CTNNA3: variants seen among roughly 807,000 people sequenced by gnomAD.
The protein encoded by CTNNA3 is catenin alpha-3.
CTNNA3 carries 76 observed loss-of-function variants against 95.7 expected under a neutral mutation model. The observed-to-expected ratio is 0.79, with a 90% CI of 0.66 to 0.96. The LOEUF is 0.96. Ranked by LOEUF, CTNNA3 falls within the 40% of genes least tolerant of loss-of-function variation. The pLI, the probability that CTNNA3 is intolerant of heterozygous loss-of-function variation, is 0.00. For missense variants in CTNNA3, 1,191 were observed against 1,089.8 expected (o/e 1.09, Z -1.31); for synonymous variants, 431 against 374.4 (o/e 1.15, Z -1.74).
chr10:67,317,156 GT>G (rs1470959748), intron 5 of CTNNA3, among the ~76,000 whole-genome samples: 1 of 67,018 alleles, frequency 1.5e-5, no homozygotes, highest in African/African-American at 2.8e-5. Context: ...ATATCATCGG[GT>G]TTTGTTTTGT....
intron 13 of CTNNA3, among the ~76,000 whole-genome samples, chr10:66,181,883 C>G (rs570928060): frequency 6.6e-6 from 1 of 152,306 alleles, no homozygotes; most frequent in African/African-American, 2.4e-5. Flanking sequence ...AACCATTAGG[C>G]ATGTTTTCAT....
chr10:67,228,176 T>A (rs1339184817), intron 5 of CTNNA3, among the ~76,000 whole-genome samples: 1 of 151,598 alleles, frequency 6.6e-6, no homozygotes, highest in East Asian at 1.9e-4. Flanking sequence ...ATAACCAAGA[T>A]CAGAGCAGAA....
chr10:67,367,506 G>A (rs1286966802), intron 5 of CTNNA3, among the ~76,000 whole-genome samples: 1 of 152,142 alleles, frequency 6.6e-6, no homozygotes, highest in Non-Finnish European at 1.5e-5. Context: ...AACACAGTTT[G>A]GAGATTTATC....
At chr10:67,296,683 CA>C (rs1231168387) in intron 5 of CTNNA3, among the ~76,000 whole-genome samples, 1 of 151,880 alleles carries the variant, frequency 6.6e-6, no homozygotes, top group East Asian at 1.9e-4. Flanking sequence ...CCTGTAATCC[CA>C]GCACTTTGGG....
At chr10:66,488,805 T>G (rs2131927397) in intron 11 of CTNNA3, among the ~76,000 whole-genome samples, 1 of 151,810 alleles carries the variant, frequency 6.6e-6, no homozygotes, top group East Asian at 1.9e-4. Context: ...ATCATGCCTC[T>G]CCAAAAAAGC....
chr10:66,766,528 C>A, intron 8 of CTNNA3, 112 bp from the exon 9 acceptor site: 1 of 896,662 alleles, frequency 1.1e-6, no homozygotes, highest in Non-Finnish European at 1.6e-6. Context: ...TTGCACAATT[C>A]CTAAAATCAC....
intron 11 of CTNNA3, among the ~76,000 whole-genome samples, chr10:66,439,005 A>G (rs4393215): frequency 0.38 from 58,022 of 151,694 alleles, 11,643 homozygotes; most frequent in African/African-American, 0.5. Flanking sequence ...GCTTCGGGTC[A>G]CCCTCCATGG....
chr10:66,618,554 T>G (rs1369608264), intron 10 of CTNNA3, among the ~76,000 whole-genome samples: 2 of 152,060 alleles, frequency 1.3e-5, no homozygotes, highest in Non-Finnish European at 2.9e-5. Context: ...TCTACAAAAA[T>G]TAATTCAAGA....
At chr10:66,443,874 C>G (rs2093395866) in intron 11 of CTNNA3, among the ~76,000 whole-genome samples, 1 of 152,106 alleles carries the variant, frequency 6.6e-6, no homozygotes, top group South Asian at 2.1e-4. Context: ...TCAAACTACT[C>G]CGAGCTACAG....
At chr10:66,739,724 A>G (rs1034866550) in intron 9 of CTNNA3, among the ~76,000 whole-genome samples, 1 of 152,214 alleles carries the variant, frequency 6.6e-6, no homozygotes, top group Admixed American at 6.5e-5. Flanking sequence ...TATCTGGAAT[A>G]AACTTGTTTT....
chr10:67,589,476 C>A (rs1289511838), intron 3 of CTNNA3, among the ~76,000 whole-genome samples: 2 of 152,046 alleles, frequency 1.3e-5, no homozygotes, highest in Non-Finnish European at 2.9e-5. Flanking sequence ...TAAATAGTTT[C>A]TTTTGTGATC....
rs12265940 is a variant in CTNNA3, at chr10:66,965,228, T to G, written c.1048-189704A>C. Among the ~76,000 whole-genome samples the G allele has an allele frequency of 7.9e-3, 1,203 of 151,360 alleles. 12 individuals are homozygous for G. Among genetic ancestry groups the G allele is most frequent in the African/African-American group, 0.026 (1,081 of 41,170 alleles). On this transcript the variant is annotated intron_variant, in intron 7 of 17. Coordinates refer to ENST00000433211, the MANE Select transcript of CTNNA3 (RefSeq NM_013266.4). ...TTGTGTTTAAAAAGCTGGGTTTTTTTGGGGTTTTTTTGTTTGTTTGTTTTT... is the reference window on the plus strand; with the variant it reads ...TTGTGTTTAAAAAGCTGGGTTTTTTGGGGGTTTTTTTGTTTGTTTGTTTTT...
intron 1 of CTNNA3, among the ~76,000 whole-genome samples, chr10:67,715,215 AT>A (rs1348099896): frequency 6.6e-6 from 1 of 152,260 alleles, no homozygotes; most frequent in Non-Finnish European, 1.5e-5. Context: ...AATCTCAGAC[AT>A]TTGAGTCACA....
chr10:67,519,898 G>A (rs1009578266), intron 5 of CTNNA3, among the ~76,000 whole-genome samples: 10 of 152,120 alleles, frequency 6.6e-5, no homozygotes, highest in Non-Finnish European at 1.2e-4. Flanking sequence ...AATAGAATGC[G>A]AGATAAAAGA....
chr10:67,684,605 G>C (rs1259881717), intron 1 of CTNNA3, among the ~76,000 whole-genome samples: 1 of 152,150 alleles, frequency 6.6e-6, no homozygotes, highest in African/African-American at 2.4e-5. Flanking sequence ...GGCAAAGAAG[G>C]GGCCTGCCCT....
chr10:67,529,031 CA>C (rs1322096479), intron 4 of CTNNA3, among the ~76,000 whole-genome samples: 13 of 151,826 alleles, frequency 8.6e-5, no homozygotes, highest in African/African-American at 2.4e-4. Flanking sequence ...TTCTCACTAC[CA>C]AAAATTGATA....
chr10:66,207,150 A>G (rs1235549953), intron 13 of CTNNA3, among the ~76,000 whole-genome samples: 4 of 150,562 alleles, frequency 2.7e-5, no homozygotes, highest in Admixed American at 2.0e-4. Flanking sequence ...AGCTTTTCTA[A>G]TATATCATTT....
chr10:67,621,935 C>A (rs920543658), intron 2 of CTNNA3, among the ~76,000 whole-genome samples: 2 of 152,138 alleles, frequency 1.3e-5, no homozygotes, highest in South Asian at 2.1e-4. Flanking sequence ...TTTGCTTTCA[C>A]ATTACAACAA....
chr10:66,626,479 C>G (rs1052339356), intron 9 of CTNNA3, among the ~76,000 whole-genome samples: 1 of 152,172 alleles, frequency 6.6e-6, no homozygotes. Flanking sequence ...GGTCATGCAA[C>G]TCTTGTGTAA....
Sources: gnomAD v4.1 joint callset for allele counts (sites outside exome capture counted in the v4.1 genomes callset) on GRCh38, gnomAD v4.1.1 for gene constraint, MANE v1.5 for transcripts, NCBI Gene and HGNC (gene_info 2026-07-23, HGNC 2026-07-21) for gene names.